The following FAT3 variants were observed in gnomAD, a reference collection of about 807,000 sequenced individuals.
FAT3 encodes protocadherin Fat 3.
In FAT3, 95 loss-of-function variants were observed where a neutral mutation model predicts 310.2. The observed-to-expected ratio is 0.31, with a 90% CI of 0.26 to 0.36. The LOEUF is 0.36. Among genes scored for constraint, FAT3 ranks in the 10% least tolerant of loss-of-function variants. The probability of loss-of-function intolerance (pLI) is 1.00; values close to 1 mark genes in which losing one functional copy is unlikely to be tolerated. For synonymous variants in FAT3, 2,314 were observed against 2,192.9 expected, an observed-to-expected ratio of 1.06 and a Z score of -1.54; for missense variants, 5,408 against 5,715.6, an observed-to-expected ratio of 0.95 and a Z score of 1.74.
At chr11:92,627,633 T>C (rs1423353108) in intron 3 of FAT3, among the ~76,000 whole-genome samples, 1 of 152,150 alleles carries the variant, frequency 6.6e-6, no homozygotes, top group Non-Finnish European at 1.5e-5. Flanking sequence ...AAGCTGTGGT[T>C]TGAGAGCCAG....
At chr11:92,366,240 T>G (rs571560964) in intron 2 of FAT3, among the ~76,000 whole-genome samples, 1 of 152,296 alleles carries the variant, frequency 6.6e-6, no homozygotes, top group African/African-American at 2.4e-5. Flanking sequence ...TCGACTCTCT[T>G]GGACAAGGAG....
chr11:92,579,840 C>A, intron 3 of FAT3, among the ~76,000 whole-genome samples: 1 of 151,966 alleles, frequency 6.6e-6, no homozygotes, highest in Non-Finnish European at 1.5e-5. Flanking sequence ...CTATGCACCC[C>A]AAATGGTAAA....
chr11:92,326,698 G>A (rs1947777243), intron 1 of FAT3, among the ~76,000 whole-genome samples: 1 of 152,216 alleles, frequency 6.6e-6, no homozygotes, highest in Middle Eastern at 3.2e-3. Context: ...CCACTCTGCT[G>A]GGACCAGGCG....
chr11:92,802,657 C>G (rs947077593), intron 10 of FAT3, among the ~76,000 whole-genome samples: 1 of 151,894 alleles, frequency 6.6e-6, no homozygotes, highest in African/African-American at 2.4e-5. Context: ...AAGGTTCTTC[C>G]TAAAAACTAT....
intron 3 of FAT3, among the ~76,000 whole-genome samples, chr11:92,635,162 G>C (rs934187657): frequency 6.6e-6 from 1 of 152,150 alleles, no homozygotes; most frequent in Non-Finnish European, 1.5e-5. Context: ...GGCAGTCCTT[G>C]TGCTGCTCCC....
intron 7 of FAT3, among the ~76,000 whole-genome samples, chr11:92,778,243 T>C (rs1946644626): frequency 1.3e-5 from 2 of 152,162 alleles, no homozygotes; most frequent in South Asian, 4.1e-4. Flanking sequence ...TAGTCTTCTC[T>C]TTGCCTAAAA....
chr11:92,714,997 T>A (rs955195259), intron 4 of FAT3, among the ~76,000 whole-genome samples: 1 of 151,838 alleles, frequency 6.6e-6, no homozygotes, highest in Admixed American at 6.6e-5. Context: ...CAGTAGTTTA[T>A]GGGGTATGGG....
chr11:92,415,087 G>A (rs776898436), intron 2 of FAT3, among the ~76,000 whole-genome samples: 4 of 151,942 alleles, frequency 2.6e-5, no homozygotes, highest in East Asian at 3.9e-4. Flanking sequence ...CAGTGACATC[G>A]CTGCTTCAGG....
chr11:92,676,963 A>C (rs1233969283), intron 3 of FAT3, among the ~76,000 whole-genome samples: 1 of 152,190 alleles, frequency 6.6e-6, no homozygotes, highest in Admixed American at 6.5e-5. Context: ...ATGTGCTCTG[A>C]ATATCAGGTT....
chr11:92,281,467 C>CCTTG (rs368386988), intron 1 of FAT3, among the ~76,000 whole-genome samples: 39 of 152,230 alleles, frequency 2.6e-4, no homozygotes, highest in African/African-American at 9.4e-4. Flanking sequence ...CCGCACACTC[C>CCTTG]CTTGCTGATC....
At chr11:92,391,032 C>T (rs1949735738) in intron 2 of FAT3, among the ~76,000 whole-genome samples, 1 of 152,178 alleles carries the variant, frequency 6.6e-6, no homozygotes, top group Non-Finnish European at 1.5e-5. Flanking sequence ...ATAAAATTCT[C>T]TACTGAGCAT....
intron 3 of FAT3, among the ~76,000 whole-genome samples, chr11:92,610,945 C>T (rs915016110): frequency 6.6e-6 from 1 of 152,112 alleles, no homozygotes; most frequent in Non-Finnish European, 1.5e-5. Flanking sequence ...AGGAGAATAT[C>T]CCTAAGCCCA....
chr11:92,534,881 C>G (rs1394563031), intron 3 of FAT3, among the ~76,000 whole-genome samples: 1 of 152,058 alleles, frequency 6.6e-6, no homozygotes, highest in African/African-American at 2.4e-5. Flanking sequence ...CAAGAGAAAA[C>G]CGTGTTATTT....
chr11:92,516,699 G>A lies in FAT3; in HGVS notation c.3293-7935G>A, dbSNP rs1245023321. 2.6e-5 allele frequency among the ~76,000 whole-genome samples: 4 copies of A among 152,104 alleles called. No individual in the cohort carries two copies. In the East Asian group the frequency reaches 7.7e-4, roughly 29 times the overall value. On this transcript the variant is annotated intron_variant, in intron 2 of 27. Transcript: ENST00000525166. ...AAATAGGAAGAGAGGAAGTCAAATT[G>A]TCTCTGTTTGCAAATGACATGATTG... is the stretch of plus-strand genomic sequence containing the variant.
intron 19 of FAT3, among the ~76,000 whole-genome samples, chr11:92,851,625 C>T (rs1237443386): frequency 6.6e-6 from 1 of 152,172 alleles, no homozygotes. Flanking sequence ...ACATCTGATC[C>T]TGCCCTGACA....
At chr11:92,873,871 C>T (rs1340414774) in intron 22 of FAT3, among the ~76,000 whole-genome samples, 1 of 152,158 alleles carries the variant, frequency 6.6e-6, no homozygotes. Flanking sequence ...ACTAGTAGGA[C>T]CATTTCCTTT....
intron 1 of FAT3, among the ~76,000 whole-genome samples, chr11:92,306,434 C>G (rs972753299): frequency 7.0e-6 from 1 of 142,776 alleles, no homozygotes; most frequent in South Asian, 2.1e-4. Flanking sequence ...ACCCTTCCCC[C>G]CATGAGCTTT....
chr11:92,879,104 G>T (rs555919108), intron 22 of FAT3, among the ~76,000 whole-genome samples: 2 of 152,166 alleles, frequency 1.3e-5, no homozygotes, highest in Non-Finnish European at 2.9e-5. Flanking sequence ...AATGACTTTG[G>T]ATTTCTCAAA....
chr11:92,322,735 A>G (rs555221352), intron 1 of FAT3, among the ~76,000 whole-genome samples: 3 of 152,346 alleles, frequency 2.0e-5, no homozygotes, highest in East Asian at 3.9e-4. Flanking sequence ...ATAACTTCTC[A>G]TCTGTTCAAG....
Sources: gnomAD v4.1 joint callset for allele counts (sites outside exome capture counted in the v4.1 genomes callset) on GRCh38, gnomAD v4.1.1 for gene constraint, MANE v1.5 for transcripts, NCBI Gene and HGNC (gene_info 2026-07-23, HGNC 2026-07-21) for gene names.